Variants in C12orf56 observed in about 807,000 individuals in gnomAD.
The protein encoded by C12orf56 is chromosome 12 open reading frame 56.
A neutral mutation model predicts 69.9 loss-of-function variants in C12orf56; 71 were observed. The observed-to-expected ratio is 1.02, with a 90% CI of 0.84 to 1.24. The LOEUF is 1.24. C12orf56 is among the 50% of genes most tolerant of loss of function. The pLI, the probability that C12orf56 is intolerant of heterozygous loss-of-function variation, is 0.00. For synonymous variants in C12orf56, 276 were observed against 274.1 expected (o/e 1.01, Z -0.07); for missense variants, 732 against 738.5 (o/e 0.99, Z 0.10).
intron 3 of C12orf56, among the ~76,000 whole-genome samples, chr12:64,326,857 C>T (rs1178025624): frequency 6.6e-6 from 1 of 152,194 alleles, no homozygotes; most frequent in African/African-American, 2.4e-5. Flanking sequence ...ATATTTGTCC[C>T]CTCCAAAACT....
chr12:64,320,044 G>A (rs933503542), intron 3 of C12orf56, among the ~76,000 whole-genome samples: 5 of 152,230 alleles, frequency 3.3e-5, no homozygotes, highest in Non-Finnish European at 7.3e-5. Context: ...CTGTGCTCCT[G>A]ATCCAGTGAG....
intron 1 of C12orf56, among the ~76,000 whole-genome samples, chr12:64,382,870 C>CAA (rs57099747): frequency 0.16 from 20,720 of 131,912 alleles, 1,688 homozygotes; most frequent in Middle Eastern, 0.26. Context: ...GACTCCGTTT[C>CAA]AAAAAAAAAA....
intron 2 of C12orf56, among the ~76,000 whole-genome samples, chr12:64,344,434 C>G (rs1438226734): frequency 6.6e-6 from 1 of 152,216 alleles, no homozygotes; most frequent in Non-Finnish European, 1.5e-5. Flanking sequence ...CTATTAATTT[C>G]ATTTCTAAGA....
At chr12:64,319,496 A>G (rs1337569298) in intron 3 of C12orf56, among the ~76,000 whole-genome samples, 1 of 152,194 alleles carries the variant, frequency 6.6e-6, no homozygotes, top group East Asian at 1.9e-4. Context: ...CCCAGGCTCA[A>G]GTGATCCTCC....
intron 1 of C12orf56, among the ~76,000 whole-genome samples, chr12:64,379,403 G>C (rs950130327): frequency 2.6e-5 from 4 of 151,630 alleles, no homozygotes; most frequent in African/African-American, 9.7e-5. Flanking sequence ...TCCTGCCTCA[G>C]CCTCCTGCGT....
In C12orf56 at chr12:64,345,385, A is replaced by G. The variant is rs557024834; in HGVS notation, c.415+7509T>C. On this transcript the variant is annotated intron_variant, in intron 2 of 12. Coordinates refer to ENST00000543942, the MANE Select transcript of C12orf56 (RefSeq NM_001170633.2). ...CATGGATCAGGGATGGGATGTTGCC[A>G]TTACTGGGGCTAGGGAAGCTGTTTC... Among the ~76,000 whole-genome samples, 9 of 152,286 alleles carry G rather than the reference A, an allele frequency of 5.9e-5. No individual in the cohort carries two copies. In the South Asian group the frequency reaches 8.3e-4, roughly 14 times the overall value.
At chr12:64,297,491 G>A (rs541043318) in intron 6 of C12orf56, among the ~76,000 whole-genome samples, 47 of 151,904 alleles carry the variant, frequency 3.1e-4, no homozygotes, top group Non-Finnish European at 6.5e-4. Context: ...CCATCAACCC[G>A]TCAGCCACAT....
At chr12:64,369,722 C>A (rs1433309165) in intron 1 of C12orf56, among the ~76,000 whole-genome samples, 1 of 151,826 alleles carries the variant, frequency 6.6e-6, no homozygotes, top group African/African-American at 2.4e-5. Flanking sequence ...GTGGCTCACG[C>A]CTGTAATCCC....
rs2037975759 is a variant in C12orf56 at position 64,270,705 on chromosome 12, C to A, written c.1594G>T (p.Val532Leu). 1 of 1,604,798 alleles carries A rather than the reference C, an allele frequency of 6.2e-7. No individual in the cohort carries two copies. Among genetic ancestry groups the A allele is most frequent in the South Asian group, 1.1e-5 (1 of 88,994 alleles). The change falls in exon 12 of 13, where the codon GTG (valine) becomes TTG (leucine). Residue 532 changes from valine to leucine, a missense_variant. By Grantham distance (32) the Val-to-Leu change is conservative. Coordinates refer to ENST00000543942, the MANE Select transcript of C12orf56 (RefSeq NM_001170633.2). The part of the protein sequence containing the change: ...LQSCPPIITF[V>L]ASIVKQVVRG... ...ACCACTTGTTTCACAATACTGGCCA[C>A]AAAAGTAATCTAGACAAGGAAAATA...
At chr12:64,306,417 TTG>T (rs1341232391) in intron 5 of C12orf56, among the ~76,000 whole-genome samples, 62 of 151,426 alleles carry the variant, frequency 4.1e-4, no homozygotes, top group African/African-American at 1.3e-3. Flanking sequence ...CAGGAAGGTT[TTG>T]TTTTTTTTTT....
At chr12:64,319,042 A>G (rs1257044920) in intron 3 of C12orf56, 62 bp from the exon 4 acceptor site, 1 of 1,374,118 alleles carries the variant, frequency 7.3e-7, no homozygotes, top group African/African-American at 1.5e-5. Flanking sequence ...CAACAAAGAG[A>G]ACCGGTAGTT....
intron 6 of C12orf56, among the ~76,000 whole-genome samples, chr12:64,302,551 T>C (rs537893501): frequency 2.0e-5 from 3 of 152,272 alleles, no homozygotes; most frequent in African/African-American, 7.2e-5. Flanking sequence ...GCTACTTATG[T>C]GACCAATGCC....
chr12:64,300,403 C>T (rs1369205120), intron 6 of C12orf56, among the ~76,000 whole-genome samples: 1 of 152,142 alleles, frequency 6.6e-6, no homozygotes, highest in Non-Finnish European at 1.5e-5. Flanking sequence ...CTTAAATGAC[C>T]TCCAGACTAA....
At chr12:64,346,946 A>G (rs760360946) in intron 2 of C12orf56, among the ~76,000 whole-genome samples, 3 of 151,314 alleles carry the variant, frequency 2.0e-5, no homozygotes, top group Non-Finnish European at 2.9e-5. Context: ...CTATATCTAT[A>G]TATATATCTA....
At chr12:64,320,062 G>A (rs1471737399) in intron 3 of C12orf56, among the ~76,000 whole-genome samples, 2 of 152,244 alleles carry the variant, frequency 1.3e-5, no homozygotes, top group East Asian at 3.8e-4. Flanking sequence ...GAGACGCCCA[G>A]TGCCGCTCCC....
chr12:64,375,711 A>C (rs1486680246), intron 1 of C12orf56, among the ~76,000 whole-genome samples: 1 of 152,242 alleles, frequency 6.6e-6, no homozygotes, highest in Non-Finnish European at 1.5e-5. Flanking sequence ...CAGCATCTGA[A>C]GCAAATTAGA....
rs192779039 is a variant in C12orf56, at chr12:64,316,051, G to A, written c.894+2524C>T. Among the ~76,000 whole-genome samples the A allele has an allele frequency of 2.0e-5, 3 of 151,972 alleles. No individual in the cohort carries two copies. The East Asian group carries it at 5.8e-4, about 29-fold the overall frequency. ...TGGTTATTCATTTTCCATCTTTCAA[G>A]GAAGAGATAGAACATTATTGTAATT... On this transcript the variant is annotated intron_variant, in intron 4 of 12. Coordinates refer to ENST00000543942, the MANE Select transcript of C12orf56 (RefSeq NM_001170633.2).
chr12:64,332,993 A>AC (rs1408918349), intron 2 of C12orf56, among the ~76,000 whole-genome samples: 1 of 152,204 alleles, frequency 6.6e-6, no homozygotes, highest in East Asian at 1.9e-4. Flanking sequence ...AAACTTTAAG[A>AC]CCCCAATCAT....
chr12:64,322,039 C>T (rs146148872), intron 3 of C12orf56, among the ~76,000 whole-genome samples: 2 of 150,884 alleles, frequency 1.3e-5, no homozygotes, highest in Non-Finnish European at 3.0e-5. Flanking sequence ...GAGACAGAGT[C>T]TCACTATGTT....
Sources: allele counts gnomAD v4.1 joint callset (sites outside exome capture counted in the v4.1 genomes callset), GRCh38; gene constraint gnomAD v4.1.1; transcripts MANE v1.5; gene names NCBI Gene and HGNC (gene_info 2026-07-23, HGNC 2026-07-21).